The following UXS1 variants were observed in gnomAD, a reference collection of about 807,000 sequenced individuals.
The protein encoded by UXS1 is UDP-glucuronate decarboxylase 1.
Under a neutral mutation model 62.6 loss-of-function variants are expected in UXS1, and 33 were observed. The observed-to-expected ratio is 0.53, with a 90% CI of 0.40 to 0.70. The LOEUF (loss-of-function observed/expected upper bound fraction) is 0.70. Ranked by LOEUF, UXS1 falls within the 30% of genes least tolerant of loss-of-function variation. The pLI is 0.00. For missense variants in UXS1, 434 were observed against 556.3 expected (o/e 0.78, Z 2.21); for synonymous variants, 213 against 206.8 (o/e 1.03, Z -0.26).
chr2:106,175,845 G>A (rs1033629191), intron 1 of UXS1, among the ~76,000 whole-genome samples: 4 of 152,120 alleles, frequency 2.6e-5, no homozygotes, highest in East Asian at 1.9e-4. Flanking sequence ...CAAGCCCATG[G>A]GTATAAATAC....
intron 4 of UXS1, among the ~76,000 whole-genome samples, chr2:106,161,984 T>C (rs1682927593): frequency 6.6e-6 from 1 of 152,214 alleles, no homozygotes; most frequent in Non-Finnish European, 1.5e-5. Flanking sequence ...ATCTTGTCAG[T>C]GTCAAGATGG....
At chr2:106,170,895 G>A (rs1298338136) in intron 1 of UXS1, among the ~76,000 whole-genome samples, 1 of 152,228 alleles carries the variant, frequency 6.6e-6, no homozygotes, top group East Asian at 1.9e-4. Context: ...GCTTCAAACA[G>A]ATAGCTGGGC....
At chr2:106,095,954 C>T (rs1293918243) in intron 14 of UXS1, among the ~76,000 whole-genome samples, 1 of 152,188 alleles carries the variant, frequency 6.6e-6, no homozygotes, top group Non-Finnish European at 1.5e-5. Flanking sequence ...AGCAGCCGCC[C>T]CACCCTGCCC....
At chr2:106,107,032 C>T (rs1369607471) in intron 10 of UXS1, among the ~76,000 whole-genome samples, 1 of 152,136 alleles carries the variant, frequency 6.6e-6, no homozygotes, top group Non-Finnish European at 1.5e-5. Context: ...GGCACCAGGC[C>T]ATTCTCCAAC....
At chr2:106,170,672 C>T (rs1055946248) in intron 1 of UXS1, among the ~76,000 whole-genome samples, 6 of 152,202 alleles carry the variant, frequency 3.9e-5, no homozygotes, top group African/African-American at 1.4e-4. Flanking sequence ...AACAGACACA[C>T]ACACACAGCA....
intron 6 of UXS1, chr2:106,138,438 G>A: frequency 2.0e-6 from 2 of 985,400 alleles, no homozygotes; most frequent in Non-Finnish European, 1.2e-6. Flanking sequence ...GGGAGGGGAG[G>A]CCCCCTCGGT....
chr2:106,136,440 C>A (rs1454199430), intron 6 of UXS1, among the ~76,000 whole-genome samples: 1 of 128,018 alleles, frequency 7.8e-6, no homozygotes, highest in Non-Finnish European at 1.6e-5. Flanking sequence ...ATAAATCATG[C>A]TGCTATAAAG....
At chr2:106,190,103 C>G (rs1044062010) in intron 1 of UXS1, among the ~76,000 whole-genome samples, 4 of 152,170 alleles carry the variant, frequency 2.6e-5, no homozygotes, top group African/African-American at 9.7e-5. Flanking sequence ...GGGGAAGACG[C>G]GACAGACAAC....
At chr2:106,127,000 G>A (rs1680013311) in intron 7 of UXS1, among the ~76,000 whole-genome samples, 1 of 152,096 alleles carries the variant, frequency 6.6e-6, no homozygotes, top group South Asian at 2.1e-4. Flanking sequence ...ATGGAACACG[G>A]CCTCTTAGGA....
intron 1 of UXS1, among the ~76,000 whole-genome samples, chr2:106,187,386 G>T (rs763762041): frequency 2.0e-5 from 3 of 152,122 alleles, no homozygotes; most frequent in Non-Finnish European, 2.9e-5. Flanking sequence ...GTCCTCTGGC[G>T]TCACAGTGAT....
intron 5 of UXS1, among the ~76,000 whole-genome samples, chr2:106,153,194 A>AAC (rs1402946774): frequency 6.6e-6 from 1 of 152,252 alleles, no homozygotes; most frequent in Non-Finnish European, 1.5e-5. Flanking sequence ...CTGGGGTCAG[A>AAC]ACAAATCTCA....
At chr2:106,097,281 G>T (rs1422901679) in intron 13 of UXS1, 1 of 447,168 alleles carries the variant, frequency 2.2e-6, no homozygotes, top group Non-Finnish European at 4.5e-6. Flanking sequence ...TGAGACCCAA[G>T]ATGTGCAGCC....
chr2:106,174,636 G>GT (rs1331608332), intron 1 of UXS1, among the ~76,000 whole-genome samples: 2 of 152,162 alleles, frequency 1.3e-5, no homozygotes, highest in Non-Finnish European at 2.9e-5. Context: ...GGCGCACGTA[G>GT]TGAGAGGCCA....
intron 10 of UXS1, among the ~76,000 whole-genome samples, chr2:106,107,105 T>C (rs1488728664): frequency 6.6e-6 from 1 of 152,164 alleles, no homozygotes; most frequent in African/African-American, 2.4e-5. Context: ...ACAGGTGGGT[T>C]TGGGGCTGTG....
intron 4 of UXS1, 73 bp downstream of exon 4, chr2:106,163,590 GCAAA>G: frequency 3.2e-6 from 3 of 939,168 alleles, no homozygotes; most frequent in South Asian, 3.5e-5. Flanking sequence ...AGAGTTTGGA[GCAAA>G]CAAACAGAAT....
chr2:106,190,488 G>C (rs1684850158), intron 1 of UXS1, among the ~76,000 whole-genome samples: 1 of 152,174 alleles, frequency 6.6e-6, no homozygotes, highest in African/African-American at 2.4e-5. Flanking sequence ...GCTCACGCCT[G>C]CAATCCTAGC....
chr2:106,126,235 C>A (rs1471088363), intron 7 of UXS1, among the ~76,000 whole-genome samples: 1 of 152,176 alleles, frequency 6.6e-6, no homozygotes, highest in Non-Finnish European at 1.5e-5. Flanking sequence ...CTGGACTGAC[C>A]ACTCACATGT....
At chr2:106,096,205 T>A (rs894179557) in intron 14 of UXS1, among the ~76,000 whole-genome samples, 1 of 151,470 alleles carries the variant, frequency 6.6e-6, no homozygotes, top group Non-Finnish European at 1.5e-5. Flanking sequence ...TGTGTGTGTG[T>A]ATGTATGTGG....
intron 1 of UXS1, among the ~76,000 whole-genome samples, chr2:106,167,258 C>G (rs753573623): frequency 1.3e-5 from 2 of 151,586 alleles, no homozygotes; most frequent in Non-Finnish European, 3.0e-5. Context: ...GTACACACTC[C>G]TATTTGGCCC....
Sources: allele counts gnomAD v4.1 joint callset (sites outside exome capture counted in the v4.1 genomes callset), GRCh38; gene constraint gnomAD v4.1.1; transcripts MANE v1.5; gene names NCBI Gene and HGNC (gene_info 2026-07-23, HGNC 2026-07-21).